Variants in ARAP2 observed in about 807,000 individuals in gnomAD.
The protein encoded by ARAP2 is arf-GAP with Rho-GAP domain, ANK repeat and PH domain-containing protein 2.
A neutral mutation model predicts 194.5 loss-of-function variants in ARAP2; 148 were observed. The ratio of observed to expected loss-of-function variants is 0.76; its 90% CI spans 0.67 to 0.87. The LOEUF is 0.87. Among genes scored for constraint, ARAP2 ranks in the 40% least tolerant of loss-of-function variants. The probability of loss-of-function intolerance (pLI) is 0.00; values close to 1 mark genes in which losing one functional copy is unlikely to be tolerated. For missense variants in ARAP2, 2,128 were observed against 1,989.7 expected, an observed-to-expected ratio of 1.07 and a Z score of -1.32; for synonymous variants, 695 against 683.5, an observed-to-expected ratio of 1.02 and a Z score of -0.26.
intron 27 of ARAP2, among the ~76,000 whole-genome samples, chr4:36,098,203 A>G (rs1215417345): frequency 1.3e-5 from 2 of 152,056 alleles, no homozygotes; most frequent in Non-Finnish European, 2.9e-5. Flanking sequence ...AGAGAAACAT[A>G]CACCCAGGAA....
At chr4:36,136,961 T>A (rs915946652) in intron 19 of ARAP2, among the ~76,000 whole-genome samples, 1 of 150,836 alleles carries the variant, frequency 6.6e-6, no homozygotes, top group Non-Finnish European at 1.5e-5. Context: ...CACACACATA[T>A]ACACGTATAT....
chr4:36,019,373 G>C (rs1644787985), intron 5 of ARAP2: 1 of 149,200 alleles, frequency 6.7e-6, no homozygotes, highest in Admixed American at 6.6e-5. Flanking sequence ...AATGTACTAG[G>C]AGCTCAAAGT....
At chr4:36,114,921 T>G (rs1002564806) in intron 25 of ARAP2, among the ~76,000 whole-genome samples, 2 of 152,026 alleles carry the variant, frequency 1.3e-5, no homozygotes, top group Non-Finnish European at 2.9e-5. Flanking sequence ...TTTGGAATTT[T>G]TTATTTGTTT....
chr4:36,062,094 AT>A (rs1724538960), downstream of ARAP2, among the ~76,000 whole-genome samples: 1 of 152,008 alleles, frequency 6.6e-6, no homozygotes, highest in Non-Finnish European at 1.5e-5. Flanking sequence ...CATTCTGTGG[AT>A]TGTCTCTTCA....
chr4:36,164,930 G>C lies in ARAP2; in HGVS notation c.2157C>G (p.Ile719Met). ...ACTAATTACCTGCACACTTCTTACA[G>C]ATGACAACACAGAGATTGATGGATG... ...DWASINLCVV[I>M]CKKCAGQHRS... The change falls in exon 11 of 33, where the codon ATC (isoleucine) becomes ATG (methionine). Residue 719 changes from isoleucine to methionine, a missense_variant. Physicochemically the swap from Ile to Met is conservative, Grantham distance 10. Transcript: ENST00000303965. 6.2e-7 allele frequency: 1 copy of C among 1,614,000 alleles called. No homozygotes were observed. Among genetic ancestry groups the C allele is most frequent in the African/African-American group, 1.3e-5 (1 of 75,048 alleles).
chr4:36,082,740 A>G (rs1315192427), intron 29 of ARAP2, among the ~76,000 whole-genome samples: 1 of 152,192 alleles, frequency 6.6e-6, no homozygotes. Context: ...AATGATGTTC[A>G]TGATACTAAG....
intron 2 of ARAP2, among the ~76,000 whole-genome samples, chr4:36,226,518 CA>C (rs1038078187): frequency 1.3e-5 from 2 of 151,960 alleles, no homozygotes; most frequent in African/African-American, 4.8e-5. Flanking sequence ...AGCCCCCCCC[CA>C]CATAATTTAG....
intron 8 of ARAP2, among the ~76,000 whole-genome samples, chr4:36,185,767 G>A (rs1740394889): frequency 6.6e-6 from 1 of 151,534 alleles, no homozygotes; most frequent in South Asian, 2.1e-4. Flanking sequence ...CCTGAGATCA[G>A]GAGTTCTAGA....
chr4:36,091,953 T>G lies in ARAP2; in HGVS notation c.4353A>C (p.Leu1451=), dbSNP rs763219131. The change falls in exon 28 of 33, where the codon CTA becomes CTC. Residue 1451 remains leucine, a synonymous_variant. Coordinates refer to ENST00000303965, the MANE Select transcript of ARAP2 (RefSeq NM_015230.4). ...ACCGGTCTTGAAACTTATTTCCAGA[T>G]AGTATTTTGGATGGTTCTTCTTTGA... ...LKIKEEPSKI[L]SGNKFQDRYF... 6.8e-6 allele frequency: 11 copies of G among 1,608,824 alleles called. No individual in the cohort carries two copies. Among genetic ancestry groups the G allele is most frequent in the African/African-American group, 4.0e-5 (3 of 74,852 alleles).
In ARAP2 at chr4:36,204,862, G is replaced by A. The variant is rs1256373712; in HGVS notation, c.1487+5528C>T. On this transcript the variant is annotated intron_variant, in intron 6 of 32. Transcript: ENST00000303965. The stretch of plus-strand genomic sequence containing the variant: ...AAATTAGCCAGGTGTGGTGGCAGGC[G>A]CCTGTAATCCCGACTACTCGGGAGG... Among the ~76,000 whole-genome samples the A allele has an allele frequency of 2.6e-5, 4 of 151,316 alleles. No homozygotes were observed. In the East Asian group the frequency reaches 5.8e-4, roughly 22 times the overall value.
chr4:36,222,724 AT>A (rs35821305), intron 2 of ARAP2, among the ~76,000 whole-genome samples: 7,392 of 150,044 alleles, frequency 0.049, 596 homozygotes, highest in African/African-American at 0.17. Context: ...CTATGGCAAG[AT>A]TTTTTTTTTA....
chr4:36,132,783 T>G (rs546951735), intron 20 of ARAP2, among the ~76,000 whole-genome samples: 1 of 151,920 alleles, frequency 6.6e-6, no homozygotes, highest in Non-Finnish European at 1.5e-5. Context: ...ACACTTTATG[T>G]ATGCCAAAGA....
chr4:36,088,430 T>C (rs34781126), intron 28 of ARAP2, among the ~76,000 whole-genome samples: 17,719 of 152,126 alleles, frequency 0.12, 1,153 homozygotes, highest in Middle Eastern at 0.23. Flanking sequence ...TTCCATCACA[T>C]AACCCCATAA....
At chr4:36,147,174 A>G in intron 19 of ARAP2, 122 bp downstream of exon 19, 2 of 774,292 alleles carry the variant, frequency 2.6e-6, no homozygotes, top group Non-Finnish European at 4.3e-6. Flanking sequence ...GTATATTTAT[A>G]TGATTCAGAA....
intron 3 of ARAP2, chr4:36,046,953 C>T (rs1721928931): frequency 6.6e-6 from 1 of 152,216 alleles, no homozygotes. Context: ...CAATTTTCCA[C>T]TCTTGCCTGC....
chr4:36,108,607 A>T (rs993441097), intron 26 of ARAP2, among the ~76,000 whole-genome samples: 7 of 152,140 alleles, frequency 4.6e-5, no homozygotes, highest in Admixed American at 2.6e-4. Flanking sequence ...CTCTCTGAAG[A>T]ATATTCATCC....
chr4:36,025,234 G>C (rs1717701458), intron 5 of ARAP2, among the ~76,000 whole-genome samples: 1 of 152,166 alleles, frequency 6.6e-6, no homozygotes, highest in Admixed American at 6.6e-5. Context: ...AAACTTATTA[G>C]TGATAAAGAA....
Position 36,080,290 on chromosome 4 carries a change from A to G in ARAP2, c.4545-11T>C. 2 of 1,608,900 alleles carry G rather than the reference A, an allele frequency of 1.2e-6. No homozygotes were observed. Among genetic ancestry groups the G allele is most frequent in the Non-Finnish European group, 8.5e-7 (1 of 1,175,786 alleles). On this transcript the variant is annotated splice_polypyrimidine_tract_variant and intron_variant, in intron 30 of 32. Transcript: ENST00000303965. ...TCACAACACAGGTGCCTGCAAAACG[A>G]GGTTTATAAACTATGTCATTCAAAA...
Position 36,244,222 on chromosome 4 carries a change from G to C in ARAP2, c.-203C>G, listed in dbSNP as rs1047528930. On this transcript the variant is annotated 5_prime_UTR_variant, in exon 1 of 33. Transcript: ENST00000303965. Reference sequence around the variant, plus strand: ...AGTTCGAAAAGCGAGGTGAGGCGGCGCTGGGAAGCTCAGCGCCGGCGTCTC... The same window carrying C: ...AGTTCGAAAAGCGAGGTGAGGCGGCCCTGGGAAGCTCAGCGCCGGCGTCTC... 1 of 152,058 alleles carries C rather than the reference G, an allele frequency of 6.6e-6. No homozygotes were observed. Among genetic ancestry groups the C allele is most frequent in the South Asian group, 2.1e-4 (1 of 4,830 alleles). 9.4% of individuals were successfully genotyped at this position (152,058 alleles called of 1,614,324 possible).
Sources: gnomAD v4.1 joint callset for allele counts (sites outside exome capture counted in the v4.1 genomes callset) on GRCh38, gnomAD v4.1.1 for gene constraint, MANE v1.5 for transcripts, NCBI Gene and HGNC (gene_info 2026-07-23, HGNC 2026-07-21) for gene names.